Variants in INTS1 observed in about 807,000 individuals in gnomAD.
INTS1 encodes the protein integrator complex subunit 1.
INTS1 carries 137 observed loss-of-function variants against 241.6 expected under a neutral mutation model. That is an observed-to-expected ratio of 0.57 (90% CI 0.49 to 0.65). INTS1 has a LOEUF of 0.65. INTS1 is among the 30% of genes least tolerant of loss of function. INTS1 has a pLI of 0.00. For synonymous variants in INTS1, 1,692 were observed against 1,337.8 expected (o/e 1.26, Z -5.78); for missense variants, 3,073 against 3,032.2 (o/e 1.01, Z -0.32).
In INTS1 at chr7:1,503,180, G is replaced by T; in HGVS notation, c.70C>A (p.Pro24Thr). The change falls in exon 3 of 48, where the codon CCA (proline) becomes ACA (threonine). Residue 24 changes from proline (P) to threonine (T), a missense_variant. Pro to Thr is a conservative substitution (Grantham distance 38). Transcript: ENST00000404767. ...AAAKPSGHPP[P>T]GDFIALGSKG... ...GAGCCCAGAGCAATGAAGTCTCCTG[G>T]GGGAGGGTGCCCTGCAGAGAAAGGA... 1 of 1,533,398 alleles carries T rather than the reference G, an allele frequency of 6.5e-7. No individual in the cohort carries two copies. The highest frequency in any genetic ancestry group is 1.3e-5 in the South Asian group (1 of 78,852). 95.0% of individuals were successfully genotyped at this position (1,533,398 alleles called of 1,614,324 possible).
intron 41 of INTS1, among the ~76,000 whole-genome samples, chr7:1,473,946 G>A (rs907426135): frequency 2.0e-5 from 3 of 152,252 alleles, no homozygotes; most frequent in African/African-American, 4.8e-5. Context: ...AGAACAGCAC[G>A]GAGGGTCTGG....
At chr7:1,504,215 C>A in intron 1 of INTS1, 108 bp downstream of exon 1, 2 of 530,482 alleles carry the variant, frequency 3.8e-6, no homozygotes, top group East Asian at 3.7e-5. Flanking sequence ...GGACGCCGGG[C>A]TGGAGGCGGC....
intron 16 of INTS1, among the ~76,000 whole-genome samples, chr7:1,492,002 G>A (rs1286296461): frequency 1.3e-5 from 2 of 152,220 alleles, no homozygotes; most frequent in African/African-American, 4.8e-5. Flanking sequence ...GTGCGGGTGA[G>A]GATGGAGACT....
chr7:1,482,743 C>T (rs929766003), intron 26 of INTS1, 36 bp from the exon 27 acceptor site: 2 of 1,602,242 alleles, frequency 1.2e-6, no homozygotes, highest in African/African-American at 2.7e-5. Flanking sequence ...GCCTTCAGAC[C>T]CACCGGGGCC....
chr7:1,479,701 C>T lies in INTS1; in HGVS notation c.4075-17G>A. Reference sequence around the variant, plus strand: ...CGGGAAAATCTGGAACGGGGAAGGCCAGTGTCAGGAGGAAGCGGAGGAGAA... The same window carrying T: ...CGGGAAAATCTGGAACGGGGAAGGCTAGTGTCAGGAGGAAGCGGAGGAGAA... On this transcript the variant is annotated splice_polypyrimidine_tract_variant and intron_variant, in intron 30 of 47. Transcript: ENST00000404767. 6.9e-7 allele frequency: 1 copy of T among 1,456,120 alleles called. No individual in the cohort carries two copies. The highest frequency in any genetic ancestry group is 9.1e-7 in the Non-Finnish European group (1 of 1,102,972). The allele number at this position is 1,456,120 out of a possible 1,614,324, so 90.2% of individuals were successfully genotyped here.
intron 35 of INTS1, 107 bp downstream of exon 35, chr7:1,477,443 T>G: frequency 7.6e-7 from 1 of 1,309,460 alleles, no homozygotes; most frequent in Non-Finnish European, 1.0e-6. Context: ...GCAGGGGGGG[T>G]GCTGGGGCCC....
At chr7:1,488,039 G>A in intron 18 of INTS1, 82 bp from the exon 19 acceptor site, 1 of 1,449,156 alleles carries the variant, frequency 6.9e-7, no homozygotes, top group South Asian at 1.2e-5. Flanking sequence ...GTCAAGGAGG[G>A]TAAAACCCCT....
intron 23 of INTS1, 26 bp downstream of exon 23, chr7:1,485,264 G>A (rs1782199681): frequency 1.3e-6 from 2 of 1,598,080 alleles, no homozygotes; most frequent in Non-Finnish European, 1.7e-6. Context: ...ATCTTTCCCT[G>A]CCGCGGCCCC....
chr7:1,482,492 G>A (rs886644063), intron 27 of INTS1, 54 bp downstream of exon 27: 57 of 1,535,748 alleles, frequency 3.7e-5, no homozygotes, highest in Non-Finnish European at 3.2e-5. Context: ...AGCAGGCAAG[G>A]GGCCCGGGAC....
rs755952066 is a variant in INTS1 at position 1,483,945 on chromosome 7, C to T, written c.3429+58G>A. On this transcript the variant is annotated intron_variant, in intron 25 of 47. Transcript: ENST00000404767. The stretch of plus-strand genomic sequence containing the variant: ...AGCTGGCACCGAGCGTGCCGTGCAG[C>T]CTCACCCAGCCGTAGACCTCCTCGC... The T allele has an allele frequency of 4.4e-6, 7 of 1,588,438 alleles. No individual in the cohort carries two copies. In the Admixed American group the frequency reaches 1.2e-4, roughly 27 times the overall value.
intron 3 of INTS1, chr7:1,501,266 C>T (rs961341589): frequency 7.0e-6 from 1 of 143,360 alleles, no homozygotes; most frequent in Admixed American, 7.0e-5. Flanking sequence ...GCCTGGGGAA[C>T]ACAGCGAGAC....
chr7:1,473,246 G>A, intron 42 of INTS1, 62 bp from the exon 43 acceptor site: 2 of 1,232,346 alleles, frequency 1.6e-6, no homozygotes, highest in Non-Finnish European at 2.4e-6. Context: ...GCTGGGTCAG[G>A]GGTCAAACTA....
At chr7:1,483,895 C>T (rs543482089) in intron 25 of INTS1, 42 bp from the exon 26 acceptor site, 5 of 1,593,414 alleles carry the variant, frequency 3.1e-6, no homozygotes, top group Non-Finnish European at 1.7e-6. Flanking sequence ...GGTTCAGGGA[C>T]CCTGAGCCAG....
At chr7:1,487,270 C>G (rs765215448) in intron 20 of INTS1, 50 bp downstream of exon 20, 2 of 1,552,106 alleles carry the variant, frequency 1.3e-6, no homozygotes, top group South Asian at 2.4e-5. Context: ...CCGGAAGGTT[C>G]CGGGCCTCCC....
At chr7:1,485,071 C>A in intron 24 of INTS1, 27 bp downstream of exon 24, 1 of 1,522,884 alleles carries the variant, frequency 6.6e-7, no homozygotes, top group Non-Finnish European at 8.9e-7. Context: ...CCCAGGGCCA[C>A]ACTGCTGGCT....
Position 1,485,181 on chromosome 7 carries a change from G to A in INTS1, c.3178C>T (p.Pro1060Ser). The change falls in exon 24 of 48, where the codon CCC (proline) becomes TCC (serine). Residue 1060 changes from proline (P) to serine (S), a missense_variant. Transcript: ENST00000404767. ...LQQAIHMETD[P>S]QTISAYLIYL... ...ATCAGGTAGGCGCTGATGGTCTGGG[G>A]ATCAGTCTCCATGTGGATTGCCTGG... 6.2e-7 allele frequency: 1 copy of A among 1,600,650 alleles called. No homozygotes were observed. Among genetic ancestry groups the A allele is most frequent in the African/African-American group, 1.3e-5 (1 of 75,038 alleles).
chr7:1,484,635 C>T (rs6964938), intron 24 of INTS1, among the ~76,000 whole-genome samples: 8,984 of 152,294 alleles, frequency 0.059, 847 homozygotes, highest in African/African-American at 0.2. Context: ...AGGTGCCCAG[C>T]GACCTGGGCC....
rs377083342 is a variant in INTS1 at position 1,481,143 on chromosome 7, T to C, written c.3850+199A>G. 2.0e-4 allele frequency: 150 copies of C among 740,088 alleles called. No homozygotes were observed. The highest frequency in any genetic ancestry group is 3.5e-4 in the Middle Eastern group (1 of 2,840). 45.8% of individuals were successfully genotyped at this position (740,088 alleles called of 1,614,324 possible). ...CCCTAGGGGGTGCCTGGCCCCAGGG[T>C]TGGGGCAGGCCCAGGCCTCGGCTCC... is the stretch of plus-strand genomic sequence containing the variant. On this transcript the variant is annotated intron_variant, in intron 28 of 47. Transcript: ENST00000404767. The surrounding 1 kb of genome is among the most constrained non-coding windows in gnomAD (Gnocchi z 6.8).
chr7:1,490,937 C>A (rs1262217892), intron 16 of INTS1, among the ~76,000 whole-genome samples: 1 of 152,200 alleles, frequency 6.6e-6, no homozygotes, highest in East Asian at 1.9e-4. Flanking sequence ...CAGAGGTCAA[C>A]CCTCAAACTT....
Sources: gnomAD v4.1 joint callset for allele counts (sites outside exome capture counted in the v4.1 genomes callset) on GRCh38, gnomAD v4.1.1 for gene constraint, Gnocchi (gnomAD v3.1) non-coding constraint, MANE v1.5 for transcripts, NCBI Gene and HGNC (gene_info 2026-07-23, HGNC 2026-07-21) for gene names.